ADGRB3: variants seen among roughly 807,000 people sequenced by gnomAD.
ADGRB3 encodes the protein adhesion G protein-coupled receptor B3.
Under a neutral mutation model 193.4 loss-of-function variants are expected in ADGRB3, and 37 were observed. The ratio of observed to expected loss-of-function variants is 0.19; its 90% CI spans 0.15 to 0.25. The LOEUF is 0.25. Among genes scored for constraint, ADGRB3 ranks in the 10% least tolerant of loss-of-function variants. The pLI, the probability that ADGRB3 is intolerant of heterozygous loss-of-function variation, is 1.00. For synonymous variants in ADGRB3, 690 were observed against 644.2 expected (o/e 1.07, Z -1.08); for missense variants, 1,637 against 1,852.9 (o/e 0.88, Z 2.14).
At chr6:69,261,771 T>G (rs1170171161) in intron 20 of ADGRB3, among the ~76,000 whole-genome samples, 1 of 152,010 alleles carries the variant, frequency 6.6e-6, no homozygotes, top group Non-Finnish European at 1.5e-5. Flanking sequence ...CCAAAGCATT[T>G]TTACATTTCT....
At chr6:68,906,351 A>C (rs1163057082) in intron 3 of ADGRB3, among the ~76,000 whole-genome samples, 3 of 151,906 alleles carry the variant, frequency 2.0e-5, no homozygotes, top group Non-Finnish European at 4.4e-5. Flanking sequence ...TTGAAGGTAT[A>C]CCATGTATAT....
intron 17 of ADGRB3, among the ~76,000 whole-genome samples, chr6:69,159,735 A>T (rs574816953): frequency 6.6e-6 from 1 of 152,252 alleles, no homozygotes; most frequent in East Asian, 1.9e-4. Flanking sequence ...GTATAAACTG[A>T]TGACTCTCCA....
Position 69,187,299 on chromosome 6 carries a change from T to G in ADGRB3, c.2481-45991T>G, listed in dbSNP as rs140793023. 4.6e-5 allele frequency among the ~76,000 whole-genome samples: 7 copies of G among 152,316 alleles called. No individual in the cohort carries two copies. The East Asian group carries it at 1.2e-3, about 25-fold the overall frequency. On this transcript the variant is annotated intron_variant, in intron 17 of 31. Transcript: ENST00000370598. Reference sequence around the variant, plus strand: ...ACATATTTCCCTATAATATTGGATCTAAAGTCTTCCGGGCCAGACATAAGA... The same window carrying G: ...ACATATTTCCCTATAATATTGGATCGAAAGTCTTCCGGGCCAGACATAAGA...
intron 13 of ADGRB3, among the ~76,000 whole-genome samples, chr6:69,047,835 C>G (rs1771280179): frequency 6.6e-6 from 1 of 152,092 alleles, no homozygotes; most frequent in African/African-American, 2.4e-5. Context: ...GTCTGTTAAT[C>G]AGAATGTTTT....
At chr6:68,835,275 T>C (rs1466358122) in intron 3 of ADGRB3, among the ~76,000 whole-genome samples, 2 of 152,176 alleles carry the variant, frequency 1.3e-5, no homozygotes, top group Admixed American at 6.6e-5. Flanking sequence ...TGACTTGTCA[T>C]GATTACACCA....
chr6:69,351,268 T>C (rs1015500296), intron 26 of ADGRB3, among the ~76,000 whole-genome samples: 4 of 151,816 alleles, frequency 2.6e-5, no homozygotes, highest in African/African-American at 9.7e-5. Context: ...AATTTTTGTA[T>C]TTTTTTAGTA....
At chr6:69,133,426 T>C (rs1774067368) in intron 17 of ADGRB3, among the ~76,000 whole-genome samples, 2 of 151,602 alleles carry the variant, frequency 1.3e-5, no homozygotes, top group Non-Finnish European at 1.5e-5. Flanking sequence ...CTGAAGAAGT[T>C]GAATCCCTGA....
intron 10 of ADGRB3, among the ~76,000 whole-genome samples, chr6:68,992,993 T>C (rs1243063242): frequency 1.3e-5 from 2 of 152,164 alleles, no homozygotes; most frequent in African/African-American, 4.8e-5. Flanking sequence ...GTATAATGGA[T>C]TCCTGCTATT....
At chr6:69,095,536 C>G (rs901972513) in intron 17 of ADGRB3, among the ~76,000 whole-genome samples, 2 of 152,086 alleles carry the variant, frequency 1.3e-5, no homozygotes, top group Non-Finnish European at 2.9e-5. Context: ...GACTGGTTAG[C>G]AAATGATATT....
intron 17 of ADGRB3, among the ~76,000 whole-genome samples, chr6:69,155,065 A>G (rs1774795023): frequency 6.6e-6 from 1 of 152,230 alleles, no homozygotes; most frequent in Admixed American, 6.5e-5. Flanking sequence ...TGAAAGTCTT[A>G]ATAGACTTTA....
intron 12 of ADGRB3, among the ~76,000 whole-genome samples, chr6:69,016,256 A>T (rs1770087346): frequency 6.6e-6 from 1 of 151,978 alleles, no homozygotes; most frequent in Non-Finnish European, 1.5e-5. Flanking sequence ...GAGAAATATA[A>T]TTAAAAACAA....
chr6:69,057,195 C>T (rs1468460880), intron 15 of ADGRB3, among the ~76,000 whole-genome samples: 15 of 151,848 alleles, frequency 9.9e-5, no homozygotes, highest in Admixed American at 9.8e-4. Flanking sequence ...TTAGATTGTT[C>T]ATTGATAATG....
intron 4 of ADGRB3, among the ~76,000 whole-genome samples, chr6:68,934,045 G>A (rs528912286): frequency 8.1e-4 from 123 of 152,196 alleles, no homozygotes; most frequent in African/African-American, 2.8e-3. Flanking sequence ...ATGGCCTAAT[G>A]TGCTTGACTA....
At chr6:69,219,467 A>G (rs1164112664) in intron 17 of ADGRB3, among the ~76,000 whole-genome samples, 7 of 74,036 alleles carry the variant, frequency 9.5e-5, no homozygotes, top group African/African-American at 2.0e-4. Context: ...ACACGTATAT[A>G]TATATATATA....
intron 3 of ADGRB3, among the ~76,000 whole-genome samples, chr6:68,870,950 TAGCTTC>T (rs1310374082): frequency 6.6e-6 from 1 of 152,206 alleles, no homozygotes. Context: ...GACACTAATC[TAGCTTC>T]TGCTTATAGA....
chr6:68,863,184 C>T (rs1339027183), intron 3 of ADGRB3, among the ~76,000 whole-genome samples: 1 of 151,922 alleles, frequency 6.6e-6, no homozygotes, highest in East Asian at 1.9e-4. Flanking sequence ...GGAGTAGTTT[C>T]CTTTTCATTA....
chr6:69,130,405 T>C (rs1348191626), intron 17 of ADGRB3, among the ~76,000 whole-genome samples: 1 of 151,820 alleles, frequency 6.6e-6, no homozygotes, highest in African/African-American at 2.4e-5. Context: ...TGCCCAGTTC[T>C]GAACACATTT....
chr6:69,003,945 C>A (rs1769663602), intron 11 of ADGRB3, among the ~76,000 whole-genome samples: 1 of 151,994 alleles, frequency 6.6e-6, no homozygotes, highest in Non-Finnish European at 1.5e-5. Flanking sequence ...CTGGTAAATG[C>A]CATGTGCAGT....
Position 69,036,551 on chromosome 6 carries a change from G to A in ADGRB3, c.2108-11634G>A, listed in dbSNP as rs180861363. Among the ~76,000 whole-genome samples, 219 of 152,082 alleles carry A rather than the reference G, an allele frequency of 1.4e-3. 1 individual carries two copies. The highest frequency in any genetic ancestry group is 4.5e-3 in the African/African-American group (186 of 41,498). On this transcript the variant is annotated intron_variant, in intron 13 of 31. Coordinates refer to ENST00000370598, the MANE Select transcript of ADGRB3 (RefSeq NM_001704.3). ...ATCCTTTTGGAATTTAAAGTCTAGC[G>A]TGGGAGGCAGAAAATGAGTAAGTCT...
Sources: gnomAD v4.1 joint callset for allele counts (sites outside exome capture counted in the v4.1 genomes callset) on GRCh38, gnomAD v4.1.1 for gene constraint, MANE v1.5 for transcripts, NCBI Gene and HGNC (gene_info 2026-07-23, HGNC 2026-07-21) for gene names.